PRAMEF19: variants seen among roughly 807,000 people sequenced by gnomAD.
PRAMEF19 encodes the protein PRAME family member 19, also known as PRAME family member-like.
Under a neutral mutation model 33.1 loss-of-function variants are expected in PRAMEF19, and 21 were observed. The observed-to-expected ratio is 0.63, with a 90% CI of 0.45 to 0.91. The LOEUF is 0.91. Among genes scored for constraint, PRAMEF19 ranks in the 40% least tolerant of loss-of-function variants. The pLI is 0.00. For missense variants in PRAMEF19, 481 were observed against 585.2 expected, an observed-to-expected ratio of 0.82 and a Z score of 1.84; for synonymous variants, 179 against 229.3, an observed-to-expected ratio of 0.78 and a Z score of 1.98.
chr1:13,369,082 C>G, exon 3 of PRAMEF19: 1 of 1,612,004 alleles, frequency 6.2e-7, no homozygotes. Context: ...CAGGCCTTCC[C>G]CGCAAGCAAA....
At chr1:13,371,575 C>G (rs1640672781) in intron 1 of PRAMEF19, 39 bp downstream of exon 1, 2 of 1,610,688 alleles carry the variant, frequency 1.2e-6, no homozygotes, top group Admixed American at 3.3e-5. Flanking sequence ...GCTGCTTAGT[C>G]CCTGGACACC....
In PRAMEF19 at chr1:13,370,545, G is replaced by A. The variant is rs1323932081; in HGVS notation, c.866+104C>T. 6,814 of 1,446,876 alleles carry A rather than the reference G, an allele frequency of 4.7e-3. 344 individuals are homozygous for A. The East Asian group carries it at 0.11, about 23-fold the overall frequency. The allele number at this position is 1,446,876 out of a possible 1,614,324, so 89.6% of individuals were successfully genotyped here. On this transcript the variant is annotated intron_variant, in intron 2 of 2. Transcript: ENST00000376101. ...AATGCATTCTAGTATCCCCTTCCCT[G>A]GACATCTCCAGTGGCTGGCACACAG...
exon 3 of PRAMEF19, chr1:13,369,338 G>T: frequency 2.5e-6 from 4 of 1,612,086 alleles, no homozygotes; most frequent in Middle Eastern, 2.2e-4. Context: ...ACCATCCATG[G>T]ACGTGTCATT....
At chr1:13,371,840 G>T in exon 1 of PRAMEF19, 1 of 1,611,976 alleles carries the variant, frequency 6.2e-7, no homozygotes, top group Non-Finnish European at 8.5e-7. Context: ...GCCAAGGCCT[G>T]GTCCCTCAGC....
exon 3 of PRAMEF19, chr1:13,369,372 G>A (rs1350500663): frequency 1.8e-5 from 29 of 1,612,168 alleles, no homozygotes; most frequent in Admixed American, 1.2e-4. Context: ...AAAGTGGTGA[G>A]GTTGGAGCAG....
chr1:13,369,676 A>T lies in PRAMEF19; in HGVS notation c.867-36T>A, dbSNP rs1640648343. The stretch of plus-strand genomic sequence containing the variant: ...CAAGAAGTTAGTACTGGGCAATGGC[A>T]CCAGTTAGAGGACGGTGGTAGAAAA... On this transcript the variant is annotated intron_variant, in intron 2 of 2. Coordinates refer to ENST00000376101, the Ensembl canonical transcript of PRAMEF19. 2.4e-5 allele frequency: 38 copies of T among 1,612,728 alleles called. No individual in the cohort carries two copies. The South Asian group carries it at 4.2e-4, about 18-fold the overall frequency.
chr1:13,370,872 T>A, exon 2 of PRAMEF19: 2 of 1,613,970 alleles, frequency 1.2e-6, no homozygotes, highest in Non-Finnish European at 1.7e-6. Flanking sequence ...GGCCAGCACA[T>A]GTTCCAAATT....
exon 2 of PRAMEF19, chr1:13,370,895 A>T: frequency 6.2e-7 from 1 of 1,613,970 alleles, no homozygotes; most frequent in Non-Finnish European, 8.5e-7. Flanking sequence ...CAATACTTGG[A>T]TACTGTCTGG....
At chr1:13,371,946 A>G (rs1640677765), upstream of PRAMEF19, 1 of 1,611,686 alleles carries the variant, frequency 6.2e-7, no homozygotes. Context: ...CAAACTTATC[A>G]GGCCAGTCCT....
In PRAMEF19 at chr1:13,369,566, G is replaced by C. The variant is rs760615514; in HGVS notation, c.941C>G (p.Pro314Arg). 1.9e-6 allele frequency: 3 copies of C among 1,613,902 alleles called. No homozygotes were observed. In the South Asian group the frequency reaches 3.3e-5, roughly 18 times the overall value. The change falls in exon 3 of 3, where the codon CCC becomes CGC. Residue 314 changes from proline to arginine, a missense_variant. This residue lies in a region of PRAMEF19 where 392 missense variants were observed against 397.5 expected (regional missense o/e 0.99). Coordinates refer to ENST00000376101, the Ensembl canonical transcript of PRAMEF19. ...CAGTTGACTGAGACTTGGGTACCAG[G>C]GCAGACATTTCAAGTCCTCTTCATC...
chr1:13,368,836 C>T (rs1640632011), downstream of PRAMEF19, among the ~76,000 whole-genome samples: 2 of 152,180 alleles, frequency 1.3e-5, no homozygotes, highest in African/African-American at 4.8e-5. Flanking sequence ...CCTATAGACC[C>T]GGCACAGCTG....
chr1:13,369,102 C>A lies in PRAMEF19; in HGVS notation c.1405G>T (p.Glu469Ter). The change falls in exon 3 of 3, where the codon GAG becomes TAG. Residue 469 changes from glutamate (E) to a stop codon, truncating the protein, a stop_gained. Coordinates refer to ENST00000376101, the Ensembl canonical transcript of PRAMEF19. LOFTEE classifies it low-confidence loss of function (END_TRUNC). ...CTTCCCCGCAAGCAAAAATTGAACT[C>A]CAGTTGCTCAGTGGGTGACATGCCA... is the stretch of plus-strand genomic sequence containing the variant. The A allele has an allele frequency of 6.2e-7, 1 of 1,611,982 alleles. No homozygotes were observed. The highest frequency in any genetic ancestry group is 1.1e-5 in the South Asian group (1 of 90,982).
intron 2 of PRAMEF19, among the ~76,000 whole-genome samples, chr1:13,370,389 G>A (rs1423000414): frequency 1.3e-4 from 20 of 151,768 alleles, no homozygotes; most frequent in Admixed American, 1.2e-3. Flanking sequence ...ACCCTCACTG[G>A]AGCTGAACCC....
In PRAMEF19 at chr1:13,370,906, G is replaced by A. The variant is rs1443331430; in HGVS notation, c.609C>T (p.Tyr203=). ...TTTCCAATACTTGGATACTGTCTGG[G>A]TATACTGTTTCTAATATGTTTCTGA... Residue 203 remains tyrosine, a synonymous_variant, in exon 2 of 3, where the codon TAC becomes TAT. Transcript: ENST00000376101. 2,003 of 1,613,868 alleles carry A rather than the reference G, an allele frequency of 1.2e-3. 18 individuals carry two copies. In the African/African-American group the frequency reaches 0.023, roughly 19 times the overall value.
downstream of PRAMEF19, chr1:13,368,990 G>A: frequency 6.4e-7 from 1 of 1,566,904 alleles, no homozygotes; most frequent in Non-Finnish European, 8.6e-7. Context: ...TAAGGAAAAA[G>A]AAAAATAAAA....
upstream of PRAMEF19, chr1:13,371,915 A>G: frequency 1.2e-6 from 2 of 1,611,854 alleles, no homozygotes; most frequent in Non-Finnish European, 8.5e-7. Context: ...ATAAATCTGC[A>G]AGAAAAATCC....
At chr1:13,369,198 G>A (rs1640636920) in exon 3 of PRAMEF19, 2 of 1,611,914 alleles carry the variant, frequency 1.2e-6, no homozygotes, top group African/African-American at 2.7e-5. Context: ...ATACGCATCA[G>A]CTCAGCCTGA....
chr1:13,370,657 C>T, exon 2 of PRAMEF19: 1 of 1,613,930 alleles, frequency 6.2e-7, no homozygotes. Context: ...ACCTGATCAG[C>T]TGGTCCAGGT....
intron 1 of PRAMEF19, 113 bp downstream of exon 1, chr1:13,371,501 A>C (rs1640672096): frequency 6.7e-7 from 1 of 1,498,814 alleles, no homozygotes; most frequent in Admixed American, 1.9e-5. Context: ...GAACGTTCCC[A>C]GCTTTCTCAC....
Sources: gnomAD v4.1 joint callset for allele counts (sites outside exome capture counted in the v4.1 genomes callset) on GRCh38, gnomAD v4.1.1 for gene constraint, gnomAD v4.1.1 regional missense constraint, MANE v1.5 for transcripts, NCBI Gene and HGNC (gene_info 2026-07-23, HGNC 2026-07-21) for gene names.